Variants in FGF14 observed in about 807,000 individuals in gnomAD.
The protein encoded by FGF14 is fibroblast growth factor 14.
In FGF14, 5 loss-of-function variants were observed where a neutral mutation model predicts 25.5. The observed-to-expected ratio is 0.20, with a 90% CI of 0.10 to 0.41. The LOEUF (loss-of-function observed/expected upper bound fraction) is 0.41. Ranked by LOEUF, FGF14 falls within the 10% of genes least tolerant of loss-of-function variation. The probability of loss-of-function intolerance (pLI) is 1.00; values close to 1 mark genes in which losing one functional copy is unlikely to be tolerated. For missense variants in FGF14, 222 were observed against 320.1 expected (o/e 0.69, Z 2.34); for synonymous variants, 138 against 118.3 (o/e 1.17, Z -1.08).
At chr13:102,387,501 T>C (rs891112168) in intron 1 of FGF14, among the ~76,000 whole-genome samples, 1 of 152,196 alleles carries the variant, frequency 6.6e-6, no homozygotes, top group Non-Finnish European at 1.5e-5. Flanking sequence ...AAAGTCCTTA[T>C]ATCCAAATAG....
chr13:102,216,828 C>A (rs1472528951), intron 1 of FGF14, among the ~76,000 whole-genome samples: 1 of 152,162 alleles, frequency 6.6e-6, no homozygotes, highest in African/African-American at 2.4e-5. Flanking sequence ...CCCTCCCTAG[C>A]CTCTAGCAAT....
At chr13:102,345,682 G>C (rs2057085560) in intron 1 of FGF14, among the ~76,000 whole-genome samples, 1 of 152,248 alleles carries the variant, frequency 6.6e-6, no homozygotes, top group Non-Finnish European at 1.5e-5. Context: ...ACATTTCAGG[G>C]AGGCAGTATG....
chr13:101,820,777 A>AG (rs2042084267), intron 3 of FGF14, among the ~76,000 whole-genome samples: 3 of 27,686 alleles, frequency 1.1e-4, no homozygotes, highest in African/African-American at 2.4e-4. Flanking sequence ...CACACCACAC[A>AG]CCACACACAC....
intron 1 of FGF14, among the ~76,000 whole-genome samples, chr13:102,097,654 C>G (rs925714750): frequency 6.6e-6 from 1 of 152,254 alleles, no homozygotes; most frequent in Admixed American, 6.5e-5. Flanking sequence ...ACACAAAAAC[C>G]CTCTGGTGGG....
At chr13:102,117,347 C>T (rs1467961617) in intron 1 of FGF14, among the ~76,000 whole-genome samples, 2 of 152,154 alleles carry the variant, frequency 1.3e-5, no homozygotes, top group African/African-American at 4.8e-5. Flanking sequence ...CTGACTTGCT[C>T]CATGTTCTGG....
chr13:101,773,410 A>C (rs557925658), intron 3 of FGF14, among the ~76,000 whole-genome samples: 1 of 149,564 alleles, frequency 6.7e-6, no homozygotes, highest in Non-Finnish European at 1.5e-5. Context: ...ACTTGTGGGC[A>C]TTTTTTTTTT....
At chr13:102,141,487 C>T (rs558072870) in intron 1 of FGF14, among the ~76,000 whole-genome samples, 17 of 152,232 alleles carry the variant, frequency 1.1e-4, no homozygotes, top group South Asian at 1.0e-3. Flanking sequence ...GATTTCAAGA[C>T]GAGAAAATGC....
chr13:102,109,615 T>C (rs1371761042), intron 1 of FGF14, among the ~76,000 whole-genome samples: 1 of 151,848 alleles, frequency 6.6e-6, no homozygotes, highest in African/African-American at 2.4e-5. Context: ...GATAAGTTTT[T>C]TGTTTGTTTG....
chr13:102,177,125 C>T (rs569111055), intron 1 of FGF14, among the ~76,000 whole-genome samples: 26 of 152,254 alleles, frequency 1.7e-4, no homozygotes, highest in African/African-American at 5.3e-4. Flanking sequence ...ATACAACACA[C>T]GTTCATTGAT....
At chr13:102,270,448 A>T (rs2053192693) in intron 1 of FGF14, among the ~76,000 whole-genome samples, 2 of 152,180 alleles carry the variant, frequency 1.3e-5, no homozygotes, top group Non-Finnish European at 2.9e-5. Context: ...TAGAAATTTC[A>T]GCTGTTTTCA....
At chr13:101,942,784 T>G (rs2035538956) in intron 1 of FGF14, among the ~76,000 whole-genome samples, 2 of 152,348 alleles carry the variant, frequency 1.3e-5, no homozygotes, top group East Asian at 3.9e-4. Flanking sequence ...CAGGATAGAC[T>G]AGAGCTAAAA....
At chr13:101,915,140 C>A (rs2033335030) in intron 1 of FGF14, among the ~76,000 whole-genome samples, 1 of 152,184 alleles carries the variant, frequency 6.6e-6, no homozygotes, top group Non-Finnish European at 1.5e-5. Flanking sequence ...TTCTTCCTAT[C>A]TTTGCCTTTG....
chr13:101,763,642 T>A (rs1377802615), intron 3 of FGF14, among the ~76,000 whole-genome samples: 1 of 152,142 alleles, frequency 6.6e-6, no homozygotes, highest in Non-Finnish European at 1.5e-5. Context: ...GTGGATCACC[T>A]GAGAGTAAGG....
At position 102,400,084 on chromosome 13, in the gene FGF14, C is replaced by G. The variant is rs1013305533; in HGVS notation, c.208+1387G>C. On this transcript the variant is annotated intron_variant, in intron 1 of 4. Transcript: ENST00000376131. The surrounding 1 kb of genome is among the most constrained non-coding windows in gnomAD (Gnocchi z 4.3). ...CCGCACCTCCTCCTCCTCTGCCTCG[C>G]GCTGCACCCGCAGGCGGCAGACCCC... Among the ~76,000 whole-genome samples, 1 of 152,118 alleles carries G rather than the reference C, an allele frequency of 6.6e-6. No homozygotes were observed. Among genetic ancestry groups the G allele is most frequent in the Non-Finnish European group, 1.5e-5 (1 of 67,994 alleles).
intron 1 of FGF14, among the ~76,000 whole-genome samples, chr13:101,996,538 AT>A (rs1199209303): frequency 6.6e-6 from 1 of 152,200 alleles, no homozygotes; most frequent in Non-Finnish European, 1.5e-5. Flanking sequence ...TGGGGGATGG[AT>A]AAAGAAAAAG....
chr13:101,953,954 T>C (rs998591216), intron 1 of FGF14, among the ~76,000 whole-genome samples: 3 of 152,140 alleles, frequency 2.0e-5, no homozygotes, highest in Non-Finnish European at 4.4e-5. Context: ...TCACCCTCTG[T>C]CTATGTCTCA....
At chr13:102,256,071 G>A (rs1427364484) in intron 1 of FGF14, among the ~76,000 whole-genome samples, 1 of 152,174 alleles carries the variant, frequency 6.6e-6, no homozygotes, top group East Asian at 1.9e-4. Context: ...GGGGACAGGT[G>A]AGGCACAGCA....
chr13:102,365,925 A>G lies in FGF14; in HGVS notation c.208+35546T>C, dbSNP rs190260961. ...CTATGAGACAGCCATATTTCCAACA[A>G]TAATATGTTGTTTGATCTAAACAAT... On this transcript the variant is annotated intron_variant, in intron 1 of 4. Coordinates refer to the FGF14 transcript ENST00000376131. Among the ~76,000 whole-genome samples the G allele has an allele frequency of 6.4e-4, 97 of 152,322 alleles. No individual in the cohort carries two copies. In the East Asian group the frequency reaches 0.016, roughly 25 times the overall value.
At chr13:102,238,471 C>T (rs541974623) in intron 1 of FGF14, among the ~76,000 whole-genome samples, 22 of 152,274 alleles carry the variant, frequency 1.4e-4, no homozygotes, top group African/African-American at 5.3e-4. Flanking sequence ...TGTTTCTTTC[C>T]ATTAAAAGCC....
Sources: gnomAD v4.1 joint callset for allele counts (sites outside exome capture counted in the v4.1 genomes callset) on GRCh38, gnomAD v4.1.1 for gene constraint, Gnocchi (gnomAD v3.1) non-coding constraint, MANE v1.5 for transcripts, NCBI Gene and HGNC (gene_info 2026-07-23, HGNC 2026-07-21) for gene names.